The following RFX6 variants were observed in gnomAD, a reference collection of about 807,000 sequenced individuals.
RFX6 encodes DNA-binding protein RFX6.
Under a neutral mutation model 110.8 loss-of-function variants are expected in RFX6, and 50 were observed. The observed-to-expected ratio is 0.45, with a 90% CI of 0.36 to 0.57. The LOEUF is 0.57. RFX6 is among the 20% of genes least tolerant of loss of function. The probability of loss-of-function intolerance (pLI) is 0.00; values close to 1 mark genes in which losing one functional copy is unlikely to be tolerated. For synonymous variants in RFX6, 383 were observed against 411.2 expected (o/e 0.93, Z 0.83); for missense variants, 990 against 1,127.0 (o/e 0.88, Z 1.74).
chr6:116,923,039 C>A (rs867112666), intron 13 of RFX6, 68 bp from the exon 14 acceptor site: 1 of 818,422 alleles, frequency 1.2e-6, no homozygotes, highest in Middle Eastern at 2.7e-4. Flanking sequence ...ACTTCTTGAT[C>A]TAACACAGGA....
At chr6:116,930,677 T>C (rs944246828) in intron 18 of RFX6, among the ~76,000 whole-genome samples, 1 of 151,694 alleles carries the variant, frequency 6.6e-6, no homozygotes, top group Non-Finnish European at 1.5e-5. Flanking sequence ...AGGGAGGAGT[T>C]CCAGGCAGAA....
At position 116,882,486 on chromosome 6, in the gene RFX6, T is replaced by C. The variant is rs767568675; in HGVS notation, c.566+58T>C. On this transcript the variant is annotated intron_variant, in intron 4 of 18. Coordinates refer to ENST00000332958, the MANE Select transcript of RFX6 (RefSeq NM_173560.4). The stretch of plus-strand genomic sequence containing the variant: ...TCTTGTGCATGAAGATTGACACAGA[T>C]GTAAAATAAGTATTGTCTTTGTCAG... The C allele has an allele frequency of 7.4e-6, 9 of 1,223,028 alleles. No individual in the cohort carries two copies. The African/African-American group carries it at 1.2e-4, about 16-fold the overall frequency. The allele number at this position is 1,223,028 out of a possible 1,614,324, so 75.8% of individuals were successfully genotyped here. A position where few individuals can be genotyped will look rare whatever the true frequency, so the allele number is the denominator to read the frequency against.
chr6:116,885,291 G>A (rs1774677080), intron 4 of RFX6, among the ~76,000 whole-genome samples: 1 of 152,136 alleles, frequency 6.6e-6, no homozygotes, highest in Admixed American at 6.5e-5. Flanking sequence ...TGTTGTGAGA[G>A]TTAAATGAGA....
intron 4 of RFX6, among the ~76,000 whole-genome samples, chr6:116,883,228 T>G (rs1423107552): frequency 6.6e-6 from 1 of 152,078 alleles, no homozygotes; most frequent in East Asian, 1.9e-4. Context: ...CAATGGCTGG[T>G]TTTTACTGTT....
chr6:116,924,094 C>T lies in RFX6; in HGVS notation c.1556-575C>T, dbSNP rs529262793. Among the ~76,000 whole-genome samples the T allele has an allele frequency of 1.5e-4, 23 of 152,194 alleles. No individual in the cohort carries two copies. The South Asian group carries it at 2.1e-3, about 14-fold the overall frequency. Reference sequence around the variant, plus strand: ...ACAGCATTGAAGCCTGGCCTTACTACGAAAAATACTTTTGTTGGAAAATCT... The same window carrying T: ...ACAGCATTGAAGCCTGGCCTTACTATGAAAAATACTTTTGTTGGAAAATCT... On this transcript the variant is annotated intron_variant, in intron 14 of 18. Coordinates refer to ENST00000332958, the MANE Select transcript of RFX6 (RefSeq NM_173560.4).
At chr6:116,918,968 A>T (rs1775533371) in intron 10 of RFX6, among the ~76,000 whole-genome samples, 169 bp from the exon 11 acceptor site, 1 of 152,142 alleles carries the variant, frequency 6.6e-6, no homozygotes, top group South Asian at 2.1e-4. Flanking sequence ...GCACCCACAA[A>T]CATTTTAAAA....
rs144773167 is a variant in RFX6 at position 116,912,510 on chromosome 6, T to C, written c.780+1468T>C. ...ATTTTTACCTTATAGATGTAATGTG[T>C]GATATGATGACTTTATATTTGAGAA... is the stretch of plus-strand genomic sequence containing the variant. On this transcript the variant is annotated intron_variant, in intron 7 of 18. Coordinates refer to ENST00000332958, the MANE Select transcript of RFX6 (RefSeq NM_173560.4). Among the ~76,000 whole-genome samples the C allele has an allele frequency of 2.8e-3, 420 of 152,258 alleles. 2 individuals are homozygous for C. The highest frequency in any genetic ancestry group is 9.6e-3 in the African/African-American group (397 of 41,548).
chr6:116,919,789 G>A (rs1775552791), intron 11 of RFX6, among the ~76,000 whole-genome samples: 2 of 152,122 alleles, frequency 1.3e-5, no homozygotes, highest in African/African-American at 4.8e-5. Context: ...TTTAAATAGA[G>A]CAAAAGTAAT....
At chr6:116,908,416 A>T (rs1775255782) in intron 6 of RFX6, among the ~76,000 whole-genome samples, 1 of 152,090 alleles carries the variant, frequency 6.6e-6, no homozygotes, top group African/African-American at 2.4e-5. Flanking sequence ...TTTTCAATGA[A>T]ATCAATTACA....
chr6:116,900,264 C>CT (rs1252580472), intron 6 of RFX6, among the ~76,000 whole-genome samples: 4 of 151,154 alleles, frequency 2.6e-5, no homozygotes, highest in Admixed American at 1.3e-4. Flanking sequence ...TGAATCTTTT[C>CT]TTTTTTTTTG....
chr6:116,924,637 T>TG, intron 14 of RFX6, 32 bp from the exon 15 acceptor site: 1 of 1,595,894 alleles, frequency 6.3e-7, no homozygotes, highest in South Asian at 1.1e-5. Context: ...CATTTCACAC[T>TG]GTCCTCTCCT....
chr6:116,893,167 G>A (rs1774867009), intron 4 of RFX6, among the ~76,000 whole-genome samples: 3 of 152,258 alleles, frequency 2.0e-5, no homozygotes, highest in Middle Eastern at 3.4e-3. Flanking sequence ...GGGATGGATG[G>A]TGGAGAGTGG....
Position 116,880,590 on chromosome 6 carries a change from T to G in RFX6, c.427T>G (p.Cys143Gly). 6 of 1,613,270 alleles carry G rather than the reference T, an allele frequency of 3.7e-6. No individual in the cohort carries two copies. The highest frequency in any genetic ancestry group is 5.1e-6 in the Non-Finnish European group (6 of 1,179,384). ...ATGTGAAGGAGTTTGCTTACCACGGTGCATTCTTTATGCACACTACTTAGA... is the reference window on the plus strand; with the variant it reads ...ATGTGAAGGAGTTTGCTTACCACGGGGCATTCTTTATGCACACTACTTAGA... ...IVCEGVCLPR[C>G]ILYAHYLDFC... The change falls in exon 3 of 19, where the codon TGC becomes GGC. Residue 143 changes from cysteine (C) to glycine (G), a missense_variant. Transcript: ENST00000332958.
chr6:116,888,341 C>A, intron 4 of RFX6, among the ~76,000 whole-genome samples: 1 of 152,138 alleles, frequency 6.6e-6, no homozygotes, highest in Non-Finnish European at 1.5e-5. Flanking sequence ...TATTAAAAGT[C>A]TGTTATATTT....
At chr6:116,902,377 AAAC>A (rs1464906503) in intron 6 of RFX6, among the ~76,000 whole-genome samples, 1 of 152,020 alleles carries the variant, frequency 6.6e-6, no homozygotes, top group East Asian at 1.9e-4. Context: ...CAACAACAAA[AAAC>A]AACAAAAACA....
intron 18 of RFX6, among the ~76,000 whole-genome samples, chr6:116,929,196 C>G (rs1432735956): frequency 6.6e-6 from 1 of 152,132 alleles, no homozygotes; most frequent in African/African-American, 2.4e-5. Context: ...ACTGCTAGAT[C>G]TGTTACTTTT....
Position 116,925,569 on chromosome 6 carries a change from T to C in RFX6, c.1795T>C (p.Tyr599His). ...VKNESHVETT[Y>H]LPLPSSQPGG... ...GAATGAAAGCCACGTGGAGACAACC[T>C]ATCTCCCTCTGCCATCCAGTCAACC... is the stretch of plus-strand genomic sequence containing the variant. Residue 599 changes from tyrosine (Y) to histidine (H), a missense_variant, in exon 16 of 19, where the codon TAT becomes CAT. Around this residue, in one of 5 missense-constraint regions of RFX6, gnomAD observed 438 missense variants for 441.9 expected, o/e 0.99. Coordinates refer to ENST00000332958, the MANE Select transcript of RFX6 (RefSeq NM_173560.4). 1.2e-6 allele frequency: 2 copies of C among 1,613,978 alleles called. No homozygotes were observed. The highest frequency in any genetic ancestry group is 8.5e-7 in the Non-Finnish European group (1 of 1,179,848).
chr6:116,888,244 C>T (rs373550908), intron 4 of RFX6, among the ~76,000 whole-genome samples: 3 of 151,972 alleles, frequency 2.0e-5, no homozygotes, highest in Admixed American at 1.3e-4. Flanking sequence ...GATGCAAGTA[C>T]AAATTGTTCA....
At chr6:116,887,710 T>C (rs1186963435) in intron 4 of RFX6, among the ~76,000 whole-genome samples, 1 of 152,232 alleles carries the variant, frequency 6.6e-6, no homozygotes, top group Non-Finnish European at 1.5e-5. Flanking sequence ...AAAGAGTTTT[T>C]GAGATGCAAA....
Sources: gnomAD v4.1 joint callset for allele counts (sites outside exome capture counted in the v4.1 genomes callset) on GRCh38, gnomAD v4.1.1 for gene constraint, gnomAD v4.1.1 regional missense constraint, MANE v1.5 for transcripts, NCBI Gene and HGNC (gene_info 2026-07-23, HGNC 2026-07-21) for gene names.